Variants in EBF2 observed in about 807,000 individuals in gnomAD.
EBF2 encodes EBF transcription factor 2.
Under a neutral mutation model 72.8 loss-of-function variants are expected in EBF2, and 21 were observed. The observed-to-expected ratio is 0.29, with a 90% CI of 0.20 to 0.42. EBF2 has a LOEUF of 0.42. Among genes scored for constraint, EBF2 ranks in the 10% least tolerant of loss-of-function variants. The pLI, the probability that EBF2 is intolerant of heterozygous loss-of-function variation, is 1.00. For missense variants in EBF2, 637 were observed against 731.2 expected (o/e 0.87, Z 1.49); for synonymous variants, 299 against 274.2 (o/e 1.09, Z -0.89).
At chr8:26,005,258 T>C (rs1563205456) in intron 6 of EBF2, among the ~76,000 whole-genome samples, 1 of 23,164 alleles carries the variant, frequency 4.3e-5, no homozygotes, top group Non-Finnish European at 6.8e-5. Flanking sequence ...TTTTATTATA[T>C]ATAATATATA....
intron 6 of EBF2, among the ~76,000 whole-genome samples, chr8:25,980,744 A>G (rs1375162185): frequency 6.9e-6 from 1 of 144,606 alleles, no homozygotes; most frequent in African/African-American, 2.6e-5. Flanking sequence ...CAATTTCTAG[A>G]CCGATGACCT....
chr8:25,899,889 C>T (rs1802922592), intron 7 of EBF2, among the ~76,000 whole-genome samples: 1 of 152,202 alleles, frequency 6.6e-6, no homozygotes, highest in Admixed American at 6.5e-5. Context: ...CCCAACGGGG[C>T]CTCACTTCCT....
intron 6 of EBF2, among the ~76,000 whole-genome samples, chr8:26,005,426 A>T (rs1488696984): frequency 1.9e-4 from 1 of 5,216 alleles, no homozygotes; most frequent in African/African-American, 7.8e-4. Context: ...TATAATATAT[A>T]TTATATATAT....
At chr8:26,019,303 A>AG (rs964438876) in intron 6 of EBF2, among the ~76,000 whole-genome samples, 12 of 152,062 alleles carry the variant, frequency 7.9e-5, no homozygotes, top group African/African-American at 2.9e-4. Flanking sequence ...ACTCAAAAAA[A>AG]AAAAAAGGTT....
intron 7 of EBF2, among the ~76,000 whole-genome samples, chr8:25,903,347 T>G (rs745784352): frequency 1.3e-5 from 2 of 152,046 alleles, no homozygotes; most frequent in African/African-American, 2.4e-5. Context: ...TGACATATTT[T>G]AAGAGGTAAC....
At chr8:25,891,085 A>G (rs1482174236) in intron 7 of EBF2, among the ~76,000 whole-genome samples, 1 of 152,220 alleles carries the variant, frequency 6.6e-6, no homozygotes, top group Non-Finnish European at 1.5e-5. Flanking sequence ...ACCAACAGTT[A>G]TAAGGCATGG....
chr8:25,906,857 GC>G (rs1265719752), intron 7 of EBF2, among the ~76,000 whole-genome samples: 1 of 152,164 alleles, frequency 6.6e-6, no homozygotes, highest in African/African-American at 2.4e-5. Context: ...TTAAAGGGAG[GC>G]TGGTAATAGT....
chr8:25,843,118 G>A lies in EBF2; in HGVS notation c.*1491C>T, dbSNP rs2117238271. On this transcript the variant is annotated 3_prime_UTR_variant, in exon 16 of 16. Coordinates refer to ENST00000520164, the MANE Select transcript of EBF2 (RefSeq NM_022659.4). ...CTCTAAGAGCTAGTCACAAAACGAT[G>A]AAGAGCCCATCAAAGGGCTGGGTAA... 1 of 152,326 alleles carries A rather than the reference G, an allele frequency of 6.6e-6. No homozygotes were observed. The highest frequency in any genetic ancestry group is 2.4e-5 in the African/African-American group (1 of 41,578). The allele number at this position is 152,326 out of a possible 1,614,324, so 9.4% of individuals were successfully genotyped here. A position where few individuals can be genotyped will look rare whatever the true frequency, so the allele number is the denominator to read the frequency against.
intron 6 of EBF2, among the ~76,000 whole-genome samples, chr8:26,005,539 A>G (rs1178014528): frequency 1.7e-4 from 3 of 18,034 alleles, no homozygotes; most frequent in Non-Finnish European, 2.3e-4. Flanking sequence ...TATTATATAT[A>G]TTTTATATAT....
intron 15 of EBF2, among the ~76,000 whole-genome samples, chr8:25,845,904 G>A (rs1313950654): frequency 6.6e-6 from 1 of 152,114 alleles, no homozygotes; most frequent in Non-Finnish European, 1.5e-5. Flanking sequence ...AAGCTTCCAA[G>A]CAAATGGCTG....
intron 6 of EBF2, among the ~76,000 whole-genome samples, chr8:26,018,371 G>C (rs915798781): frequency 6.6e-6 from 1 of 151,498 alleles, no homozygotes; most frequent in Non-Finnish European, 1.5e-5. Flanking sequence ...AGAGAGAAAC[G>C]GCCGGACGCG....
intron 7 of EBF2, among the ~76,000 whole-genome samples, chr8:25,902,901 A>G (rs1802978204): frequency 1.3e-5 from 2 of 152,202 alleles, no homozygotes; most frequent in African/African-American, 4.8e-5. Context: ...CAGAAATCAG[A>G]GATGGGTGTG....
chr8:25,988,574 T>C (rs1804497639), intron 6 of EBF2, among the ~76,000 whole-genome samples: 1 of 152,224 alleles, frequency 6.6e-6, no homozygotes, highest in Admixed American at 6.5e-5. Flanking sequence ...TCATATTTAT[T>C]GAATAACTTC....
At chr8:26,023,460 C>A (rs1346043046) in intron 6 of EBF2, among the ~76,000 whole-genome samples, 3 of 152,216 alleles carry the variant, frequency 2.0e-5, no homozygotes, top group African/African-American at 7.2e-5. Context: ...CTAATAACCA[C>A]GTCCATCCAG....
intron 5 of EBF2, among the ~76,000 whole-genome samples, chr8:26,039,618 G>A (rs1375802980): frequency 2.0e-5 from 3 of 152,168 alleles, no homozygotes; most frequent in African/African-American, 7.2e-5. Flanking sequence ...GCCCAGACTA[G>A]GAGTCGTTCC....
intron 6 of EBF2, among the ~76,000 whole-genome samples, chr8:25,948,263 G>A (rs1192557012): frequency 1.3e-5 from 2 of 152,294 alleles, no homozygotes; most frequent in East Asian, 1.9e-4. Flanking sequence ...CCACCCCAGC[G>A]CAAGGGCTCT....
rs1235696061 is a variant in EBF2, at chr8:25,933,729, ATTAT to A, written c.552-25178_552-25175del. On this transcript the variant is annotated intron_variant, in intron 6 of 15. Transcript: ENST00000520164. ...ATGATATACAAAGAAATACTACATA[ATTAT>A]TTAAATTATGTTATAGAATAACATC... Among the ~76,000 whole-genome samples the A allele has an allele frequency of 1.2e-4, 19 of 152,332 alleles. No homozygotes were observed. In the South Asian group the frequency reaches 2.1e-3, roughly 17 times the overall value.
rs1421148530 is a variant in EBF2, at chr8:25,997,672, G to C, written c.551+35413C>G. Among the ~76,000 whole-genome samples the C allele has an allele frequency of 3.9e-5, 6 of 152,136 alleles. No individual in the cohort carries two copies. In the East Asian group the frequency reaches 1.2e-3, roughly 29 times the overall value. On this transcript the variant is annotated intron_variant, in intron 6 of 15. Transcript: ENST00000520164. ...CATTCAAATTGGGAGCTGGAAGCTA[G>C]AGTTCTAGACCTGTTCTATCATTAA...
intron 6 of EBF2, among the ~76,000 whole-genome samples, chr8:26,008,685 C>T (rs1804923370): frequency 6.6e-6 from 1 of 152,006 alleles, no homozygotes; most frequent in African/African-American, 2.4e-5. Flanking sequence ...ATTAAATTAG[C>T]AGCGTTTTAT....
Sources: allele counts gnomAD v4.1 joint callset (sites outside exome capture counted in the v4.1 genomes callset), GRCh38; gene constraint gnomAD v4.1.1; transcripts MANE v1.5; gene names NCBI Gene and HGNC (gene_info 2026-07-23, HGNC 2026-07-21).